Variants in DNER observed in about 807,000 individuals in gnomAD.
DNER encodes delta and Notch-like epidermal growth factor-related receptor.
A neutral mutation model predicts 78.2 loss-of-function variants in DNER; 33 were observed. The observed-to-expected ratio is 0.42, with a 90% CI of 0.32 to 0.56. DNER has a LOEUF of 0.56. Ranked by LOEUF, DNER falls within the 20% of genes least tolerant of loss-of-function variation. The pLI, the probability that DNER is intolerant of heterozygous loss-of-function variation, is 0.11. For synonymous variants in DNER, 417 were observed against 384.8 expected (o/e 1.08, Z -0.98); for missense variants, 918 against 975.3 (o/e 0.94, Z 0.78).
At chr2:229,440,480 C>G (rs1694209089) in intron 8 of DNER, among the ~76,000 whole-genome samples, 1 of 152,148 alleles carries the variant, frequency 6.6e-6, no homozygotes, top group South Asian at 2.1e-4. Flanking sequence ...TCTCCTGTGG[C>G]CACTACTACC....
At chr2:229,487,622 ATATAAC>A (rs1264621457) in intron 6 of DNER, among the ~76,000 whole-genome samples, 4 of 152,376 alleles carry the variant, frequency 2.6e-5, no homozygotes, top group African/African-American at 9.6e-5. Flanking sequence ...ATAAAAATTT[ATATAAC>A]TATATTTATT....
chr2:229,392,939 G>A lies in DNER; in HGVS notation c.1724-4543C>T, dbSNP rs1485201769. Among the ~76,000 whole-genome samples, 9 of 152,188 alleles carry A rather than the reference G, an allele frequency of 5.9e-5. No homozygotes were observed. The South Asian group carries it at 6.2e-4, about 11-fold the overall frequency. On this transcript the variant is annotated intron_variant, in intron 10 of 12. Transcript: ENST00000341772. ...TAGACATGCAACAAAGTAGGCTCACGTGACCCATAACTGCATGAAAATCAG... is the reference window on the plus strand; with the variant it reads ...TAGACATGCAACAAAGTAGGCTCACATGACCCATAACTGCATGAAAATCAG...
intron 6 of DNER, among the ~76,000 whole-genome samples, chr2:229,482,894 C>G (rs907702651): frequency 6.6e-6 from 1 of 152,010 alleles, no homozygotes; most frequent in African/African-American, 2.4e-5. Flanking sequence ...TCTCTAGAAC[C>G]AGGTAGGGAG....
In DNER at chr2:229,407,353, G is replaced by C. The variant is rs1250555993; in HGVS notation, c.1610-8C>G. The stretch of plus-strand genomic sequence containing the variant: ...ACAATTCACAGTGTGTTCCTGCAGA[G>C]AAACAAGCAAAACAGGATGACTCAT... On this transcript the variant is annotated splice_region_variant and splice_polypyrimidine_tract_variant and intron_variant, in intron 9 of 12. Coordinates refer to ENST00000341772, the MANE Select transcript of DNER (RefSeq NM_139072.4). 8 of 1,610,390 alleles carry C rather than the reference G, an allele frequency of 5.0e-6. No homozygotes were observed. Among genetic ancestry groups the C allele is most frequent in the Non-Finnish European group, 6.8e-6 (8 of 1,177,094 alleles).
chr2:229,471,864 C>T (rs1189699805), intron 7 of DNER, among the ~76,000 whole-genome samples: 1 of 152,170 alleles, frequency 6.6e-6, no homozygotes, highest in Non-Finnish European at 1.5e-5. Context: ...GTCCGGATTT[C>T]AAACCTAAGC....
chr2:229,404,085 G>A (rs1432607366), intron 10 of DNER, among the ~76,000 whole-genome samples: 2 of 152,156 alleles, frequency 1.3e-5, no homozygotes, highest in Non-Finnish European at 2.9e-5. Flanking sequence ...GCTTGTAGTG[G>A]TGCAGGTAGG....
intron 1 of DNER, among the ~76,000 whole-genome samples, chr2:229,638,541 A>G (rs1402285344): frequency 6.6e-6 from 1 of 152,194 alleles, no homozygotes; most frequent in East Asian, 1.9e-4. Context: ...CTCCTTTTCA[A>G]CCTGCACATT....
intron 1 of DNER, among the ~76,000 whole-genome samples, chr2:229,709,909 T>A (rs1390393136): frequency 6.6e-6 from 1 of 152,172 alleles, no homozygotes; most frequent in Non-Finnish European, 1.5e-5. Context: ...AGTTTCTGTA[T>A]CACTCACCAC....
intron 9 of DNER, among the ~76,000 whole-genome samples, chr2:229,413,342 T>TTTTTTTG (rs1491384789): frequency 7.5e-6 from 1 of 134,204 alleles, no homozygotes; most frequent in Non-Finnish European, 1.6e-5. Context: ...TTTTTTTTTT[T>TTTTTTTG]GACGGAGTCT....
chr2:229,531,516 G>T (rs1416784736), intron 5 of DNER, among the ~76,000 whole-genome samples: 3 of 152,132 alleles, frequency 2.0e-5, no homozygotes, highest in African/African-American at 7.2e-5. Context: ...AAAATAACAA[G>T]TGTTTGTATG....
intron 11 of DNER, among the ~76,000 whole-genome samples, chr2:229,371,926 A>G (rs1484596418): frequency 2.6e-5 from 4 of 152,246 alleles, no homozygotes; most frequent in African/African-American, 9.6e-5. Context: ...CTTGTTGCCT[A>G]GAACAATTGT....
chr2:229,375,947 C>T (rs1692589079), intron 11 of DNER, among the ~76,000 whole-genome samples: 1 of 152,154 alleles, frequency 6.6e-6, no homozygotes. Flanking sequence ...ATGCTGTTCT[C>T]ATGAAAGTGA....
chr2:229,377,235 T>C (rs543163200), intron 11 of DNER, among the ~76,000 whole-genome samples: 61 of 152,296 alleles, frequency 4.0e-4, no homozygotes, highest in Non-Finnish European at 7.2e-4. Flanking sequence ...TTTGCCTATT[T>C]CTCAACTGCA....
chr2:229,405,478 G>A (rs1693360165), intron 10 of DNER, among the ~76,000 whole-genome samples: 1 of 152,068 alleles, frequency 6.6e-6, no homozygotes, highest in Admixed American at 6.5e-5. Flanking sequence ...GTTTATAATG[G>A]GGAAAAGTTC....
chr2:229,412,452 G>A (rs1256404144), intron 9 of DNER, among the ~76,000 whole-genome samples: 1 of 152,238 alleles, frequency 6.6e-6, no homozygotes, highest in Non-Finnish European at 1.5e-5. Context: ...AAGAGCCTAT[G>A]TAGTCACTGT....
intron 6 of DNER, among the ~76,000 whole-genome samples, chr2:229,492,496 T>A (rs895633039): frequency 6.6e-6 from 1 of 152,138 alleles, no homozygotes; most frequent in Non-Finnish European, 1.5e-5. Context: ...TGAAACACAC[T>A]CTTTGACTCA....
chr2:229,565,125 A>T (rs1480578206), intron 4 of DNER, among the ~76,000 whole-genome samples: 7 of 152,066 alleles, frequency 4.6e-5, no homozygotes. Flanking sequence ...GGAAATAAAC[A>T]CTCAATGTAC....
At chr2:229,388,592 A>AATATATATAT (rs56042896) in intron 10 of DNER, among the ~76,000 whole-genome samples, 196 bp from the exon 11 acceptor site, 4 of 58,002 alleles carry the variant, frequency 6.9e-5, no homozygotes, top group Non-Finnish European at 1.2e-4. Context: ...CTAAAAAGGA[A>AATATATATAT]ATATATATAT....
chr2:229,473,960 C>G (rs13414163), intron 7 of DNER, among the ~76,000 whole-genome samples: 42,863 of 151,956 alleles, frequency 0.28, 6,195 homozygotes, highest in South Asian at 0.34. Context: ...GGCTGGAGTA[C>G]AGTGGCACAA....
Sources: allele counts gnomAD v4.1 joint callset (sites outside exome capture counted in the v4.1 genomes callset), GRCh38; gene constraint gnomAD v4.1.1; transcripts MANE v1.5; gene names NCBI Gene and HGNC (gene_info 2026-07-23, HGNC 2026-07-21).